Variants in AGAP4 observed in about 807,000 individuals in gnomAD.
AGAP4 encodes arf-GAP with GTPase, ANK repeat and PH domain-containing protein 4.
In AGAP4, 13 loss-of-function variants were observed where a neutral mutation model predicts 60.7. That is an observed-to-expected ratio of 0.21 (90% CI 0.14 to 0.34). The LOEUF (loss-of-function observed/expected upper bound fraction) is 0.34. AGAP4 is among the 10% of genes least tolerant of loss of function. The probability of loss-of-function intolerance (pLI) is 1.00; values close to 1 mark genes in which losing one functional copy is unlikely to be tolerated. For missense variants in AGAP4, 169 were observed against 884.0 expected (o/e 0.19, Z 10.26); for synonymous variants, 70 against 339.0 (o/e 0.21, Z 8.72).
chr10:45,849,399 G>A (rs2059053044), upstream of AGAP4, among the ~76,000 whole-genome samples: 3 of 151,536 alleles, frequency 2.0e-5, no homozygotes, highest in African/African-American at 7.3e-5. Context: ...TGGGGGCATG[G>A]CAAAACCATA....
At chr10:45,830,000 A>T (rs1342987316) in intron 6 of AGAP4, among the ~76,000 whole-genome samples, 1 of 145,722 alleles carries the variant, frequency 6.9e-6, no homozygotes, top group Non-Finnish European at 1.5e-5. Flanking sequence ...AAGATCAATG[A>T]GTACTGATGG....
chr10:45,852,599 T>C (rs1590046990), intron 1 of AGAP4, among the ~76,000 whole-genome samples: 2 of 151,472 alleles, frequency 1.3e-5, no homozygotes, highest in Admixed American at 6.6e-5. Flanking sequence ...AAGCAAAGGG[T>C]CATTTCAAAA....
At chr10:45,842,684 T>C (rs2058938678) in intron 3 of AGAP4, among the ~76,000 whole-genome samples, 1 of 144,078 alleles carries the variant, frequency 6.9e-6, no homozygotes, top group South Asian at 2.2e-4. Flanking sequence ...TTTCCTACAC[T>C]GCCTCTGCCT....
intron 4 of AGAP4, among the ~76,000 whole-genome samples, chr10:45,834,784 T>A (rs1554897605): frequency 7.0e-6 from 1 of 143,770 alleles, no homozygotes; most frequent in African/African-American, 2.9e-5. Context: ...ATTTATTTAT[T>A]TATTTTTGAG....
rs1289763348 is a variant in AGAP4 at position 45,834,104 on chromosome 10, G to A, written c.409C>T (p.Arg137Cys). 9 of 1,591,930 alleles carry A rather than the reference G, an allele frequency of 5.7e-6. No homozygotes were observed. The highest frequency in any genetic ancestry group is 2.2e-5 in the East Asian group (1 of 44,662). Residue 137 changes from arginine to cysteine, a missense_variant, in exon 5 of 8, where the codon CGT (arginine) becomes TGT (cysteine). Arg to Cys is a radical substitution (Grantham distance 180). Coordinates refer to ENST00000616763, the MANE Select transcript of AGAP4 (RefSeq NM_001276343.3). Reference protein sequence around the residue: ...SNCTNHVSTVRFSQQYSLCST... With the variant: ...SNCTNHVSTVCFSQQYSLCST... ...CACAAGCTGTATTGTTGACTGAAACGCACAGTAGATACCTGAAGGGGAAGG... is the reference window on the plus strand; with the variant it reads ...CACAAGCTGTATTGTTGACTGAAACACACAGTAGATACCTGAAGGGGAAGG...
At chr10:45,851,216 G>C (rs1436197830), upstream of AGAP4, among the ~76,000 whole-genome samples, 1 of 152,072 alleles carries the variant, frequency 6.6e-6, no homozygotes, top group Non-Finnish European at 1.5e-5. Context: ...GAAGAAAGAA[G>C]ACCTGGAGAA....
chr10:45,841,160 T>C (rs2058910574), intron 4 of AGAP4, among the ~76,000 whole-genome samples: 1 of 98,552 alleles, frequency 1.0e-5, no homozygotes, highest in Non-Finnish European at 2.1e-5. Context: ...TGGAGTGCAA[T>C]GGCGCGATCT....
chr10:45,848,599 C>T (rs1337328764), upstream of AGAP4, among the ~76,000 whole-genome samples: 2 of 152,080 alleles, frequency 1.3e-5, no homozygotes, highest in Non-Finnish European at 2.9e-5. Flanking sequence ...TAAGCAACCT[C>T]CCCAAGGTCA....
chr10:45,843,658 C>T (rs1488191989), intron 3 of AGAP4, among the ~76,000 whole-genome samples: 3 of 131,818 alleles, frequency 2.3e-5, no homozygotes, highest in Non-Finnish European at 4.9e-5. Context: ...TATAATAGAA[C>T]CCTCACTTGT....
chr10:45,837,656 G>A (rs2058844146), intron 4 of AGAP4, among the ~76,000 whole-genome samples: 1 of 151,790 alleles, frequency 6.6e-6, no homozygotes, highest in African/African-American at 2.4e-5. Flanking sequence ...TGGGATAATT[G>A]GCAAGCCACA....
intron 6 of AGAP4, among the ~76,000 whole-genome samples, chr10:45,830,501 G>A (rs1301876072): frequency 2.5e-5 from 2 of 79,264 alleles, no homozygotes; most frequent in Admixed American, 2.2e-4. Context: ...TTGTTTGTTT[G>A]TTTAGGCAGA....
Position 45,829,260 on chromosome 10 carries a change from G to A in AGAP4, c.534-1180C>T, listed in dbSNP as rs1349506742. Among the ~76,000 whole-genome samples the A allele has an allele frequency of 6.1e-5, 8 of 131,052 alleles. 1 individual carries two copies. The highest frequency in any genetic ancestry group is 1.3e-4 in the Non-Finnish European group (8 of 61,608). 86.0% of individuals were successfully genotyped at this position (131,052 alleles called of 152,430 possible). On this transcript the variant is annotated intron_variant, in intron 6 of 7. Transcript: ENST00000616763. ...TCTTAAGAATGTCTTTGATGAAGCA[G>A]TAAAAATTAATGTTGTTAAATCTTG...
chr10:45,852,191 G>A (rs1212568973), upstream of AGAP4, among the ~76,000 whole-genome samples: 14 of 141,106 alleles, frequency 9.9e-5, no homozygotes, highest in South Asian at 2.4e-4. Context: ...GATTACAGGC[G>A]TGAGCCACTG....
intron 5 of AGAP4, among the ~76,000 whole-genome samples, chr10:45,831,797 TG>T (rs2058735875): frequency 7.9e-6 from 1 of 126,572 alleles, no homozygotes; most frequent in African/African-American, 2.9e-5. Context: ...TGGATTGCAG[TG>T]GTGCCATCTT....
intron 3 of AGAP4, 161 bp downstream of exon 3, chr10:45,844,162 CATA>C (rs2058963881): frequency 3.2e-6 from 2 of 615,762 alleles, no homozygotes; most frequent in Admixed American, 5.9e-5. Flanking sequence ...TCACTAACAT[CATA>C]ACAACTAAAG....
intron 4 of AGAP4, among the ~76,000 whole-genome samples, chr10:45,838,796 G>A (rs879987981): frequency 3.3e-5 from 5 of 151,852 alleles, no homozygotes; most frequent in African/African-American, 4.8e-5. Flanking sequence ...GGCTAAAAAT[G>A]AACAAATCTT....
intron 3 of AGAP4, among the ~76,000 whole-genome samples, chr10:45,841,894 T>C (rs1474298518): frequency 6.6e-6 from 1 of 152,088 alleles, no homozygotes; most frequent in African/African-American, 2.4e-5. Context: ...TTAGTTTACT[T>C]TTTGTTTCTA....
At chr10:45,852,084 T>C (rs2059089984), upstream of AGAP4, among the ~76,000 whole-genome samples, 1 of 150,230 alleles carries the variant, frequency 6.7e-6, no homozygotes, top group Non-Finnish European at 1.5e-5. Context: ...AGCTAATTTT[T>C]TGTATTTTTA....
chr10:45,851,525 G>C (rs2059083895), upstream of AGAP4, among the ~76,000 whole-genome samples: 3 of 151,880 alleles, frequency 2.0e-5, no homozygotes, highest in Admixed American at 2.0e-4. Context: ...TCAGGCAGTG[G>C]GTAAAGTAGT....
Sources: gnomAD v4.1 joint callset for allele counts (sites outside exome capture counted in the v4.1 genomes callset) on GRCh38, gnomAD v4.1.1 for gene constraint, MANE v1.5 for transcripts, NCBI Gene and HGNC (gene_info 2026-07-23, HGNC 2026-07-21) for gene names.